WDR59: variants seen among roughly 807,000 people sequenced by gnomAD.
WDR59 encodes the protein WD repeat domain 59.
WDR59 carries 100 observed loss-of-function variants against 131.2 expected under a neutral mutation model. The ratio of observed to expected loss-of-function variants is 0.76; its 90% CI spans 0.65 to 0.90. The LOEUF is 0.90. WDR59 is among the 40% of genes least tolerant of loss of function. The pLI, the probability that WDR59 is intolerant of heterozygous loss-of-function variation, is 0.00. For missense variants in WDR59, 1,203 were observed against 1,262.2 expected (o/e 0.95, Z 0.71); for synonymous variants, 601 against 466.2 (o/e 1.29, Z -3.72).
At position 74,977,304 on chromosome 16, in the gene WDR59, A is replaced by G. The variant is rs760950599; in HGVS notation, c.54+7660T>C. ...ATACCATAAAAAGAATGAAAAGGCA[A>G]GCTACAACTTGGGAGAATGGATTTA... On this transcript the variant is annotated intron_variant, in intron 1 of 25. Transcript: ENST00000262144. Among the ~76,000 whole-genome samples, 24 of 152,180 alleles carry G rather than the reference A, an allele frequency of 1.6e-4. 1 individual carries two copies. Among genetic ancestry groups the G allele is most frequent in the Non-Finnish European group, 1.5e-5 (1 of 68,024 alleles).
At chr16:74,900,333 G>T (rs1003163788) in intron 18 of WDR59, among the ~76,000 whole-genome samples, 2 of 152,080 alleles carry the variant, frequency 1.3e-5, no homozygotes, top group African/African-American at 4.8e-5. Flanking sequence ...GAGAAACGGG[G>T]GGAAGGAAGG....
chr16:74,921,713 A>C (rs2030247020), intron 10 of WDR59, among the ~76,000 whole-genome samples: 1 of 152,196 alleles, frequency 6.6e-6, no homozygotes, highest in Non-Finnish European at 1.5e-5. Flanking sequence ...ATCTCTTCCA[A>C]GCAAGAGAGA....
intron 20 of WDR59, 71 bp downstream of exon 20, chr16:74,892,413 C>G: frequency 8.1e-7 from 1 of 1,236,166 alleles, no homozygotes; most frequent in Non-Finnish European, 1.2e-6. Flanking sequence ...TCATTAAATG[C>G]CAATGACAAA....
chr16:74,914,834 C>G (rs1052702934), intron 13 of WDR59, among the ~76,000 whole-genome samples: 1 of 152,116 alleles, frequency 6.6e-6, no homozygotes, highest in Admixed American at 6.6e-5. Flanking sequence ...CCTTGTGATC[C>G]GTCTACCTTG....
chr16:74,879,223 T>A (rs1330621485), intron 25 of WDR59, among the ~76,000 whole-genome samples: 1 of 152,128 alleles, frequency 6.6e-6, no homozygotes, highest in Non-Finnish European at 1.5e-5. Flanking sequence ...CCGGGCATGA[T>A]GGTGTATGCC....
intron 17 of WDR59, among the ~76,000 whole-genome samples, chr16:74,904,606 T>C (rs760774542): frequency 1.3e-5 from 2 of 151,988 alleles, no homozygotes; most frequent in Admixed American, 1.3e-4. Flanking sequence ...TCTAAATTGA[T>C]CTACAGAGTC....
chr16:74,928,531 C>A (rs2031081735), intron 8 of WDR59, among the ~76,000 whole-genome samples: 1 of 151,898 alleles, frequency 6.6e-6, no homozygotes, highest in Non-Finnish European at 1.5e-5. Flanking sequence ...TTTCCCTGTT[C>A]TTGTAAGGCC....
In WDR59 at chr16:74,874,147, C is replaced by T; in HGVS notation, c.*62G>A. On this transcript the variant is annotated 3_prime_UTR_variant, in exon 26 of 26. Coordinates refer to ENST00000262144, the MANE Select transcript of WDR59 (RefSeq NM_030581.4). ...GTTCTGGAGCCTCTCCCCTGACAGA[C>T]AGCTTGTCACCGGCACTTATGGGTC... 1 of 1,415,996 alleles carries T rather than the reference C, an allele frequency of 7.1e-7. No individual in the cohort carries two copies. The highest frequency in any genetic ancestry group is 1.4e-5 in the African/African-American group (1 of 70,892). 87.7% of individuals were successfully genotyped at this position (1,415,996 alleles called of 1,614,324 possible).
chr16:74,887,494 G>C (rs1405179574), intron 23 of WDR59, among the ~76,000 whole-genome samples, 189 bp downstream of exon 23: 1 of 152,142 alleles, frequency 6.6e-6, no homozygotes, highest in Non-Finnish European at 1.5e-5. Context: ...AAGGCACAAA[G>C]ACCCCCAGAA....
At chr16:74,927,584 T>A (rs1211801038) in intron 8 of WDR59, among the ~76,000 whole-genome samples, 2 of 75,442 alleles carry the variant, frequency 2.7e-5, no homozygotes, top group African/African-American at 4.0e-5. Flanking sequence ...CGAGACTCCA[T>A]CTCAAAAAAA....
At chr16:74,901,998 G>A (rs564286696) in intron 18 of WDR59, among the ~76,000 whole-genome samples, 2 of 152,260 alleles carry the variant, frequency 1.3e-5, no homozygotes, top group Non-Finnish European at 2.9e-5. Flanking sequence ...TGAACCACAT[G>A]AATCTTTGTT....
intron 8 of WDR59, among the ~76,000 whole-genome samples, chr16:74,927,683 A>C (rs10578216): frequency 0.076 from 9,014 of 118,102 alleles, 344 homozygotes; most frequent in African/African-American, 0.14. Flanking sequence ...CTCTTTAAAA[A>C]ACACACACAC....
Position 74,893,713 on chromosome 16 carries a change from G to T in WDR59, c.1966C>A (p.Leu656Met), listed in dbSNP as rs1213973228. Reference sequence around the variant, plus strand: ...TCTCCCAGCGATTTGTGAACAGGCAGGAGGCAAGCAATATCCTGGATGATG... The same window carrying T: ...TCTCCCAGCGATTTGTGAACAGGCATGAGGCAAGCAATATCCTGGATGATG... ...KVIIQDIACL[L>M]PVHKSLGELY... is the part of the protein sequence containing the mutation. The change falls in exon 19 of 26, where the codon CTG becomes ATG. Residue 656 changes from leucine to methionine, a missense_variant. By Grantham distance (15) the Leu-to-Met change is conservative. Transcript: ENST00000262144. 6.2e-7 allele frequency: 1 copy of T among 1,614,166 alleles called. No individual in the cohort carries two copies. Among genetic ancestry groups the T allele is most frequent in the South Asian group, 1.1e-5 (1 of 91,084 alleles).
At chr16:74,949,466 G>A (rs971371203) in intron 5 of WDR59, among the ~76,000 whole-genome samples, 4 of 151,012 alleles carry the variant, frequency 2.6e-5, no homozygotes, top group Non-Finnish European at 5.9e-5. Flanking sequence ...AGGAGAGAGG[G>A]AGGGAGGGAG....
At position 74,965,866 on chromosome 16, in the gene WDR59, C is replaced by A. The variant is rs756149183; in HGVS notation, c.55-44G>T. 3.1e-6 allele frequency: 5 copies of A among 1,611,870 alleles called. No individual in the cohort carries two copies. In the South Asian group the frequency reaches 4.4e-5, roughly 14 times the overall value. On this transcript the variant is annotated intron_variant, in intron 1 of 25. Transcript: ENST00000262144. ...AGTCAGTGCTGCCAGCAAACCCAGC[C>A]GGGGATAGAAGGCAGAGGTCTCTGT...
intron 21 of WDR59, 56 bp downstream of exon 21, chr16:74,889,647 T>A: frequency 6.9e-7 from 1 of 1,452,190 alleles, no homozygotes; most frequent in Non-Finnish European, 9.6e-7. Flanking sequence ...TTCAAGTGTT[T>A]ACAGACCAAA....
intron 5 of WDR59, among the ~76,000 whole-genome samples, chr16:74,949,471 AG>A (rs918045436): frequency 1.3e-5 from 2 of 148,634 alleles, no homozygotes; most frequent in South Asian, 2.2e-4. Context: ...AGAGGGAGGG[AG>A]GGAGGACAGA....
At chr16:74,875,972 C>T (rs1223356060) in intron 25 of WDR59, among the ~76,000 whole-genome samples, 1 of 152,154 alleles carries the variant, frequency 6.6e-6, no homozygotes, top group African/African-American at 2.4e-5. Flanking sequence ...CCACGTTCTG[C>T]AAACTCTTCC....
At position 74,908,927 on chromosome 16, in the gene WDR59, G is replaced by C. The variant is rs1567708364; in HGVS notation, c.1693C>G (p.Pro565Ala). Residue 565 changes from proline (P) to alanine (A), a missense_variant, in exon 17 of 26, where the codon CCC becomes GCC. By Grantham distance (27) the Pro-to-Ala change is conservative. Transcript: ENST00000262144. ...ACTCACCTCGGAGTAGGCTCTGTGG[G>C]AGACACCGCCCGATGCATTGTCATG... Reference protein sequence around the residue: ...RPMTMHRAVSPTEPTPRSLSA... With the variant: ...RPMTMHRAVSATEPTPRSLSA... The C allele has an allele frequency of 6.2e-7, 1 of 1,614,122 alleles. No individual in the cohort carries two copies.
Sources: gnomAD v4.1 joint callset for allele counts (sites outside exome capture counted in the v4.1 genomes callset) on GRCh38, gnomAD v4.1.1 for gene constraint, MANE v1.5 for transcripts, NCBI Gene and HGNC (gene_info 2026-07-23, HGNC 2026-07-21) for gene names.